The following AKNA variants were observed in gnomAD, a reference collection of about 807,000 sequenced individuals.
The protein encoded by AKNA is AT-hook transcription factor.
Under a neutral mutation model 138.8 loss-of-function variants are expected in AKNA, and 67 were observed. The ratio of observed to expected loss-of-function variants is 0.48; its 90% CI spans 0.40 to 0.59. The LOEUF is 0.59. Among genes scored for constraint, AKNA ranks in the 20% least tolerant of loss-of-function variants. AKNA has a pLI of 0.00. For synonymous variants in AKNA, 737 were observed against 754.4 expected (o/e 0.98, Z 0.38); for missense variants, 1,813 against 1,880.4 (o/e 0.96, Z 0.66).
chr9:114,356,236 C>T (rs1831497627), intron 13 of AKNA, 100 bp from the exon 14 acceptor site: 2 of 1,122,440 alleles, frequency 1.8e-6, no homozygotes, highest in Middle Eastern at 3.1e-4. Context: ...AATAAGCTCC[C>T]ACCCTTTGTA....
chr9:114,367,011 T>C (rs1218073019), intron 6 of AKNA, among the ~76,000 whole-genome samples: 1 of 152,216 alleles, frequency 6.6e-6, no homozygotes, highest in Non-Finnish European at 1.5e-5. Flanking sequence ...AAAACGTATG[T>C]ATTTTCATAA....
chr9:114,372,203 G>A (rs1301319323), intron 4 of AKNA, among the ~76,000 whole-genome samples: 1 of 152,168 alleles, frequency 6.6e-6, no homozygotes, highest in Admixed American at 6.5e-5. Flanking sequence ...GAGCCCTCGG[G>A]CCAAGCAATC....
At position 114,360,031 on chromosome 9, in the gene AKNA, C is replaced by CCAGTGCTGGCGGCGG; in HGVS notation, c.2141_2155dup (p.Ala714_Thr718dup). 2 of 1,614,194 alleles carry CCAGTGCTGGCGGCGG rather than the reference C, an allele frequency of 1.2e-6. No individual in the cohort carries two copies. The highest frequency in any genetic ancestry group is 1.7e-6 in the Non-Finnish European group (2 of 1,180,030). On this transcript the variant is annotated inframe_insertion, in exon 10 of 22. Coordinates refer to ENST00000374088, the MANE Select transcript of AKNA (RefSeq NM_001317950.2). ...CACATTTACGTGCAATGGGCAGGGG[C>CCAGTGCTGGCGGCGG]CAGTGCTGGCGGCGGCAGTGGTGGT... is the stretch of plus-strand genomic sequence containing the variant.
At chr9:114,357,281 C>T (rs1296886235) in intron 12 of AKNA, among the ~76,000 whole-genome samples, 1 of 152,194 alleles carries the variant, frequency 6.6e-6, no homozygotes, top group Non-Finnish European at 1.5e-5. Context: ...AGGGAGAAAG[C>T]CTTATTTCCA....
chr9:114,337,401 A>G, intron 21 of AKNA, 95 bp from the exon 22 acceptor site: 1 of 1,288,324 alleles, frequency 7.8e-7, no homozygotes, highest in Non-Finnish European at 1.0e-6. Flanking sequence ...TCTAAATCCC[A>G]GCTGGGCCAG....
rs1388498087 is a variant in AKNA at position 114,381,268 on chromosome 9, C to T, written c.66G>A (p.Arg22=). ...EPGLGKGPQR[R]RWAWAEDKRD... ...TCTTGTCCTCGGCCCAGGCCCAGCG[C>T]CGCCGCTGGGGGCCCTTCCCCAGGC... The change falls in exon 2 of 22, where the codon CGG becomes CGA. Residue 22 remains arginine (R), a synonymous_variant. Transcript: ENST00000374088. The T allele has an allele frequency of 5.6e-6, 9 of 1,613,184 alleles. No homozygotes were observed. The highest frequency in any genetic ancestry group is 6.8e-6 in the Non-Finnish European group (8 of 1,179,672).
In AKNA at chr9:114,360,070, C is replaced by T. The variant is rs776429633; in HGVS notation, c.2125-8G>A. Reference sequence around the variant, plus strand: ...GGCAGTGGTGGTAGCAGGCTGGGGTCAGAAAGATGGACAGACAGAGATTCA... The same window carrying T: ...GGCAGTGGTGGTAGCAGGCTGGGGTTAGAAAGATGGACAGACAGAGATTCA... On this transcript the variant is annotated splice_polypyrimidine_tract_variant and splice_region_variant and intron_variant, in intron 9 of 21. Coordinates refer to ENST00000374088, the MANE Select transcript of AKNA (RefSeq NM_001317950.2). 9 of 1,613,932 alleles carry T rather than the reference C, an allele frequency of 5.6e-6. No individual in the cohort carries two copies. In the East Asian group the frequency reaches 1.8e-4, roughly 32 times the overall value.
chr9:114,343,348 G>A (rs1408674668), intron 19 of AKNA, among the ~76,000 whole-genome samples: 1 of 152,138 alleles, frequency 6.6e-6, no homozygotes, highest in Non-Finnish European at 1.5e-5. Context: ...CCATTGCCTG[G>A]ATTATCGGGC....
intron 2 of AKNA, among the ~76,000 whole-genome samples, chr9:114,379,641 TA>T (rs1564092560): frequency 1.3e-5 from 2 of 152,220 alleles, no homozygotes; most frequent in African/African-American, 4.8e-5. Context: ...ATCTTGCTCA[TA>T]ATCTAAGTGC....
intron 1 of AKNA, among the ~76,000 whole-genome samples, chr9:114,383,441 G>A (rs527596718): frequency 6.6e-6 from 1 of 152,212 alleles, no homozygotes; most frequent in African/African-American, 2.4e-5. Flanking sequence ...TGCCATGGAG[G>A]GTTCAGAGAA....
chr9:114,360,125 T>A, intron 9 of AKNA, 63 bp from the exon 10 acceptor site: 1 of 1,605,384 alleles, frequency 6.2e-7, no homozygotes, highest in Non-Finnish European at 8.5e-7. Flanking sequence ...TTTTAAGCAC[T>A]TACCTCCTGC....
At chr9:114,360,416 C>A (rs1438528105) in intron 9 of AKNA, among the ~76,000 whole-genome samples, 1 of 152,132 alleles carries the variant, frequency 6.6e-6, no homozygotes, top group Non-Finnish European at 1.5e-5. Context: ...AGATTTAAAC[C>A]TAGATTTCCT....
chr9:114,367,562 G>A lies in AKNA; in HGVS notation c.1709C>T (p.Ala570Val). 6.2e-7 allele frequency: 1 copy of A among 1,613,550 alleles called. No individual in the cohort carries two copies. Among genetic ancestry groups the A allele is most frequent in the Non-Finnish European group, 8.5e-7 (1 of 1,179,936 alleles). ...ACTCACCTTGGCCAGGAACTGGCTG[G>A]CCTGAGAAGCCAGTGCCTGGGTCTG... is the stretch of plus-strand genomic sequence containing the variant. ...AEQTQALASQASQFLAKVESF... is the reference protein window; with the variant it reads ...AEQTQALASQVSQFLAKVESF... Residue 570 changes from alanine to valine, a missense_variant, in exon 6 of 22, where the codon GCC (alanine) becomes GTC (valine). Physicochemically the swap from Ala to Val is moderately conservative, Grantham distance 64. Transcript: ENST00000374088.
intron 7 of AKNA, among the ~76,000 whole-genome samples, chr9:114,363,097 G>T (rs1422225914): frequency 6.6e-6 from 1 of 152,190 alleles, no homozygotes; most frequent in African/African-American, 2.4e-5. Context: ...ATAATGAGAG[G>T]GGTGATTTAT....
At position 114,362,480 on chromosome 9, in the gene AKNA, C is replaced by T. The variant is rs772398965; in HGVS notation, c.1842G>A (p.Lys614=). The T allele has an allele frequency of 6.2e-7, 1 of 1,613,470 alleles. No homozygotes were observed. The highest frequency in any genetic ancestry group is 8.5e-7 in the Non-Finnish European group (1 of 1,179,790). ...GGGCAGGGTGTTGCTCCCGACAAGC[C>T]TTCAGGTACTCCTCCTCTAGGGCCG... ...AHAALEEEYL[K]ACREQHPAQP... is the part of the protein sequence containing the mutation. The change falls in exon 8 of 22, where the codon AAG becomes AAA. Residue 614 remains lysine, a synonymous_variant. Coordinates refer to ENST00000374088, the MANE Select transcript of AKNA (RefSeq NM_001317950.2).
chr9:114,345,751 A>G, intron 18 of AKNA, 112 bp downstream of exon 18: 1 of 1,006,710 alleles, frequency 9.9e-7, no homozygotes, highest in African/African-American at 1.6e-5. Flanking sequence ...CAGAACTGAT[A>G]GAAAATGATA....
chr9:114,366,997 GGCT>G (rs1832411576), intron 6 of AKNA, among the ~76,000 whole-genome samples: 2 of 152,080 alleles, frequency 1.3e-5, no homozygotes, highest in African/African-American at 4.8e-5. Flanking sequence ...TTCAGAATGT[GGCT>G]AAAACGTATG....
intron 1 of AKNA, among the ~76,000 whole-genome samples, chr9:114,382,346 T>G (rs1290233430): frequency 6.6e-6 from 1 of 152,074 alleles, no homozygotes; most frequent in Non-Finnish European, 1.5e-5. Context: ...ATCCCAGCAC[T>G]TTGGGAGGCT....
chr9:114,368,174 G>T, intron 5 of AKNA: 1 of 370,020 alleles, frequency 2.7e-6, no homozygotes. Flanking sequence ...GCTCCCCAGG[G>T]ACAATGCTCT....
Sources: gnomAD v4.1 joint callset for allele counts (sites outside exome capture counted in the v4.1 genomes callset) on GRCh38, gnomAD v4.1.1 for gene constraint, MANE v1.5 for transcripts, NCBI Gene and HGNC (gene_info 2026-07-23, HGNC 2026-07-21) for gene names.